CDH4: variants seen among roughly 807,000 people sequenced by gnomAD.
The protein encoded by CDH4 is cadherin 4, also known as cadherin-4.
A neutral mutation model predicts 86.0 loss-of-function variants in CDH4; 33 were observed. The ratio of observed to expected loss-of-function variants is 0.38; its 90% CI spans 0.29 to 0.51. The LOEUF (loss-of-function observed/expected upper bound fraction) is 0.51, where lower values mean the gene tolerates loss of function less well. Ranked by LOEUF, CDH4 falls within the 20% of genes least tolerant of loss-of-function variation. The pLI, the probability that CDH4 is intolerant of heterozygous loss-of-function variation, is 0.86. For missense variants in CDH4, 1,114 were observed against 1,307.4 expected (o/e 0.85, Z 2.28); for synonymous variants, 555 against 549.4 (o/e 1.01, Z -0.14).
chr20:61,442,448 T>A (rs2085319628), intron 2 of CDH4, among the ~76,000 whole-genome samples: 1 of 152,184 alleles, frequency 6.6e-6, no homozygotes. Flanking sequence ...TTTAAAAGAA[T>A]AACAGATCGT....
chr20:61,731,364 G>A (rs2088184049), intron 2 of CDH4, among the ~76,000 whole-genome samples: 2 of 152,264 alleles, frequency 1.3e-5, no homozygotes, highest in South Asian at 4.2e-4. Context: ...CCTCCTAGAT[G>A]GTTCTGAGCA....
intron 2 of CDH4, among the ~76,000 whole-genome samples, chr20:61,448,491 T>C (rs1006089042): frequency 6.6e-6 from 1 of 152,196 alleles, no homozygotes; most frequent in African/African-American, 2.4e-5. Context: ...TCATAATGTG[T>C]TTTTTTATTT....
At chr20:61,284,368 G>A (rs2084281878) in intron 2 of CDH4, among the ~76,000 whole-genome samples, 2 of 152,098 alleles carry the variant, frequency 1.3e-5, no homozygotes. Context: ...TCACGTTTGT[G>A]TTTGCGTTTT....
intron 2 of CDH4, among the ~76,000 whole-genome samples, chr20:61,408,021 G>A (rs560026191): frequency 1.3e-5 from 2 of 152,288 alleles, no homozygotes; most frequent in South Asian, 2.1e-4. Context: ...TGCAGCAGCA[G>A]GTCCTGCTTT....
At chr20:61,351,079 C>G (rs755821801) in intron 2 of CDH4, among the ~76,000 whole-genome samples, 15 of 152,132 alleles carry the variant, frequency 9.9e-5, no homozygotes, top group Non-Finnish European at 2.2e-4. Context: ...CGCCCTCCCT[C>G]CATCCCCGGG....
chr20:61,610,913 T>G (rs1359693619), intron 2 of CDH4, among the ~76,000 whole-genome samples: 1 of 151,014 alleles, frequency 6.6e-6, no homozygotes, highest in Non-Finnish European at 1.5e-5. Flanking sequence ...GAAGACCCAG[T>G]AAGGGTGCTG....
At chr20:61,640,199 T>C (rs1247813918) in intron 2 of CDH4, among the ~76,000 whole-genome samples, 2 of 152,204 alleles carry the variant, frequency 1.3e-5, no homozygotes, top group African/African-American at 4.8e-5. Context: ...TTGGTCTTTG[T>C]GACATTATCA....
intron 2 of CDH4, among the ~76,000 whole-genome samples, chr20:61,350,480 C>A (rs28407010): frequency 1.1e-4 from 8 of 72,590 alleles, no homozygotes; most frequent in Admixed American, 1.4e-4. Flanking sequence ...TCCCACCCAG[C>A]GTCAGGCAGA....
intron 8 of CDH4, among the ~76,000 whole-genome samples, chr20:61,907,908 C>T (rs536991923): frequency 6.6e-6 from 1 of 152,124 alleles, no homozygotes; most frequent in African/African-American, 2.4e-5. Context: ...AGGAAGGGCT[C>T]CTGCTCCACA....
chr20:61,527,234 AC>A (rs1393850201), intron 2 of CDH4, among the ~76,000 whole-genome samples: 2 of 149,864 alleles, frequency 1.3e-5, no homozygotes, highest in African/African-American at 4.9e-5. Flanking sequence ...AAAGGTAAAC[AC>A]CAGTTTTTAA....
chr20:61,625,448 G>C (rs1185006722), intron 2 of CDH4, among the ~76,000 whole-genome samples: 3 of 152,068 alleles, frequency 2.0e-5, no homozygotes, highest in Admixed American at 1.3e-4. Flanking sequence ...AGCAGTCTGC[G>C]TGATAGTTTG....
intron 2 of CDH4, among the ~76,000 whole-genome samples, chr20:61,286,953 A>C (rs2084296384): frequency 6.6e-6 from 1 of 152,096 alleles, no homozygotes; most frequent in African/African-American, 2.4e-5. Flanking sequence ...ACTGGATGTC[A>C]CCCTTCTCAA....
chr20:61,546,055 CTG>C (rs1401769649), intron 2 of CDH4, among the ~76,000 whole-genome samples: 6 of 1,120 alleles, frequency 5.4e-3, no homozygotes, highest in African/African-American at 0.021. Flanking sequence ...GGAGGGCTGT[CTG>C]TGCATGTGTG....
At chr20:61,748,073 C>T (rs577612641) in intron 3 of CDH4, among the ~76,000 whole-genome samples, 21 of 152,286 alleles carry the variant, frequency 1.4e-4, no homozygotes, top group African/African-American at 4.6e-4. Flanking sequence ...CTGACTTCTC[C>T]GCAGGAGCTG....
intron 2 of CDH4, among the ~76,000 whole-genome samples, chr20:61,723,646 A>G (rs1031418695): frequency 2.0e-5 from 3 of 152,248 alleles, no homozygotes; most frequent in African/African-American, 7.2e-5. Flanking sequence ...AAGAGGGCTG[A>G]CAGGGAGAGG....
intron 2 of CDH4, among the ~76,000 whole-genome samples, chr20:61,426,251 C>G (rs2085214696): frequency 6.6e-6 from 1 of 152,148 alleles, no homozygotes; most frequent in Non-Finnish European, 1.5e-5. Context: ...GTGCTTTAAT[C>G]TAGCTGATAA....
At chr20:61,688,492 C>T (rs537086311) in intron 2 of CDH4, among the ~76,000 whole-genome samples, 2 of 152,352 alleles carry the variant, frequency 1.3e-5, no homozygotes, top group South Asian at 4.1e-4. Flanking sequence ...CCTGCCCTGA[C>T]AGCAGCACTA....
intron 2 of CDH4, among the ~76,000 whole-genome samples, chr20:61,444,553 G>T (rs1462630530): frequency 1.3e-5 from 2 of 151,962 alleles, no homozygotes; most frequent in African/African-American, 4.8e-5. Flanking sequence ...GTGTATCTTT[G>T]TGTGTCTTTG....
At chr20:61,790,763 T>G (rs972592359) in intron 4 of CDH4, among the ~76,000 whole-genome samples, 1 of 150,358 alleles carries the variant, frequency 6.7e-6, no homozygotes, top group African/African-American at 2.5e-5. Context: ...TATCTATCCA[T>G]CTATCCATTC....
Sources: gnomAD v4.1 joint callset for allele counts (sites outside exome capture counted in the v4.1 genomes callset) on GRCh38, gnomAD v4.1.1 for gene constraint, MANE v1.5 for transcripts, NCBI Gene and HGNC (gene_info 2026-07-23, HGNC 2026-07-21) for gene names.